VEPH1: variants seen among roughly 807,000 people sequenced by gnomAD.
VEPH1 encodes the protein ventricular zone-expressed PH domain-containing protein homolog 1.
Under a neutral mutation model 85.2 loss-of-function variants are expected in VEPH1, and 80 were observed. The observed-to-expected ratio is 0.94, with a 90% CI of 0.78 to 1.13. The LOEUF (loss-of-function observed/expected upper bound fraction) is 1.13, where lower values mean the gene tolerates loss of function less well. Among genes scored for constraint, VEPH1 ranks in the 50% most tolerant of loss-of-function variants. The pLI, the probability that VEPH1 is intolerant of heterozygous loss-of-function variation, is 0.00. For missense variants in VEPH1, 955 were observed against 980.5 expected, an observed-to-expected ratio of 0.97 and a Z score of 0.35; for synonymous variants, 297 against 348.0, an observed-to-expected ratio of 0.85 and a Z score of 1.63.
chr3:157,465,794 G>C (rs1421939441), intron 3 of VEPH1, among the ~76,000 whole-genome samples: 1 of 152,180 alleles, frequency 6.6e-6, no homozygotes, highest in Admixed American at 6.5e-5. Flanking sequence ...GACACTTTCT[G>C]ATTTTCCAGC....
At chr3:157,401,276 T>C (rs1260459089) in intron 6 of VEPH1, among the ~76,000 whole-genome samples, 1 of 152,134 alleles carries the variant, frequency 6.6e-6, no homozygotes. Flanking sequence ...AGGCTGATTG[T>C]ATTTGAACTT....
At chr3:157,465,164 G>A (rs16827685) in intron 3 of VEPH1, among the ~76,000 whole-genome samples, 5,220 of 152,170 alleles carry the variant, frequency 0.034, 297 homozygotes, top group African/African-American at 0.12. Context: ...GGGCAGCCAC[G>A]TCTCCTGAGC....
chr3:157,497,342 G>A (rs1237609523), intron 1 of VEPH1, among the ~76,000 whole-genome samples: 1 of 152,172 alleles, frequency 6.6e-6, no homozygotes, highest in Non-Finnish European at 1.5e-5. Flanking sequence ...GAAGACGCTT[G>A]GAGGAAGAGC....
intron 6 of VEPH1, among the ~76,000 whole-genome samples, chr3:157,391,855 C>T (rs183709452): frequency 1.3e-5 from 2 of 152,296 alleles, no homozygotes; most frequent in East Asian, 3.9e-4. Flanking sequence ...GGGCAGGTCA[C>T]ATACAAAGGC....
At position 157,447,969 on chromosome 3, in the gene VEPH1, T is replaced by A. The variant is rs150064405; in HGVS notation, c.529+12212A>T. 3.9e-3 allele frequency among the ~76,000 whole-genome samples: 589 copies of A among 151,650 alleles called. 2 individuals are homozygous for A. The highest frequency in any genetic ancestry group is 0.014 in the African/African-American group (563 of 41,396). The stretch of plus-strand genomic sequence containing the variant: ...GTGATGACAAAAACAACCAGAACGA[T>A]GATGATGATGATGATGATGATGATA... On this transcript the variant is annotated intron_variant, in intron 4 of 13. Transcript: ENST00000362010.
At chr3:157,425,742 G>A (rs986525893) in intron 5 of VEPH1, among the ~76,000 whole-genome samples, 13 of 152,184 alleles carry the variant, frequency 8.5e-5, no homozygotes, top group African/African-American at 3.1e-4. Context: ...GCTGAAATGA[G>A]TTAAAACTTT....
chr3:157,428,266 A>G, intron 5 of VEPH1, 56 bp downstream of exon 5: 1 of 1,590,580 alleles, frequency 6.3e-7, no homozygotes, highest in Non-Finnish European at 8.6e-7. Flanking sequence ...CGCTGTTCAC[A>G]CACAAAGAAA....
intron 12 of VEPH1, among the ~76,000 whole-genome samples, chr3:157,269,818 A>G (rs1349212376): frequency 6.6e-6 from 1 of 152,122 alleles, no homozygotes; most frequent in African/African-American, 2.4e-5. Flanking sequence ...ATTCCATTTG[A>G]AAAATAACAT....
intron 5 of VEPH1, among the ~76,000 whole-genome samples, chr3:157,424,170 G>A (rs1197967866): frequency 6.6e-6 from 1 of 152,148 alleles, no homozygotes; most frequent in South Asian, 2.1e-4. Flanking sequence ...TAAGTCTCAC[G>A]AGATCTGATG....
At chr3:157,466,666 G>T (rs780721108) in intron 3 of VEPH1, among the ~76,000 whole-genome samples, 11 of 152,186 alleles carry the variant, frequency 7.2e-5, no homozygotes, top group Non-Finnish European at 1.6e-4. Context: ...ATCTTGATAA[G>T]ACCAAGATCC....
intron 9 of VEPH1, among the ~76,000 whole-genome samples, chr3:157,324,954 A>T (rs1368364201): frequency 6.6e-6 from 1 of 152,206 alleles, no homozygotes; most frequent in Non-Finnish European, 1.5e-5. Context: ...ACTCCCACCA[A>T]CAGTGTAAAA....
At chr3:157,298,419 G>T (rs775401761) in intron 11 of VEPH1, among the ~76,000 whole-genome samples, 7 of 152,140 alleles carry the variant, frequency 4.6e-5, no homozygotes, top group Non-Finnish European at 1.0e-4. Context: ...AGGATAACTT[G>T]TCAAAGATCT....
intron 4 of VEPH1, chr3:157,459,569 A>C: frequency 8.9e-7 from 1 of 1,117,766 alleles, no homozygotes; most frequent in South Asian, 2.7e-5. Context: ...GTTCAAAAAC[A>C]TGTTTTTTGA....
intron 3 of VEPH1, among the ~76,000 whole-genome samples, chr3:157,461,615 T>C (rs980226410): frequency 2.0e-5 from 3 of 152,130 alleles, no homozygotes; most frequent in Non-Finnish European, 4.4e-5. Context: ...CCTTTATACA[T>C]CAAATCTTAC....
At chr3:157,364,588 G>A in intron 7 of VEPH1, 76 bp from the exon 8 acceptor site, 2 of 1,377,290 alleles carry the variant, frequency 1.5e-6, no homozygotes, top group African/African-American at 1.5e-5. Flanking sequence ...CTATTTAACT[G>A]CCTCTCACTC....
chr3:157,493,956 G>A (rs1463388475), intron 2 of VEPH1, among the ~76,000 whole-genome samples: 1 of 152,090 alleles, frequency 6.6e-6, no homozygotes, highest in Non-Finnish European at 1.5e-5. Flanking sequence ...TGAAAGAAGG[G>A]GTTTCTGAAA....
At chr3:157,346,613 T>A (rs1724251833) in intron 9 of VEPH1, among the ~76,000 whole-genome samples, 1 of 152,082 alleles carries the variant, frequency 6.6e-6, no homozygotes, top group South Asian at 2.1e-4. Flanking sequence ...TTAAATACTT[T>A]TTTTTTTCTT....
At chr3:157,359,212 G>A (rs926517417) in intron 9 of VEPH1, among the ~76,000 whole-genome samples, 7 of 152,014 alleles carry the variant, frequency 4.6e-5, no homozygotes, top group African/African-American at 1.7e-4. Flanking sequence ...TTCAGTTATG[G>A]GCCAGATTTC....
At chr3:157,361,594 G>C (rs949175709) in intron 9 of VEPH1, among the ~76,000 whole-genome samples, 1 of 152,218 alleles carries the variant, frequency 6.6e-6, no homozygotes, top group African/African-American at 2.4e-5. Flanking sequence ...TCATGCCAGA[G>C]TGCTAGAACC....
Sources: gnomAD v4.1 joint callset for allele counts (sites outside exome capture counted in the v4.1 genomes callset) on GRCh38, gnomAD v4.1.1 for gene constraint, MANE v1.5 for transcripts, NCBI Gene and HGNC (gene_info 2026-07-23, HGNC 2026-07-21) for gene names.